Variants in MYH15 observed in about 807,000 individuals in gnomAD.
MYH15 encodes the protein myosin heavy chain 15.
A neutral mutation model predicts 240.5 loss-of-function variants in MYH15; 227 were observed. The ratio of observed to expected loss-of-function variants is 0.94; its 90% CI spans 0.85 to 1.05. The LOEUF (loss-of-function observed/expected upper bound fraction) is 1.05. Ranked by LOEUF, MYH15 falls within the 50% of genes least tolerant of loss-of-function variation. The pLI is 0.00. For synonymous variants in MYH15, 785 were observed against 796.7 expected (o/e 0.99, Z 0.25); for missense variants, 2,217 against 2,247.5 (o/e 0.99, Z 0.27).
chr3:108,498,329 G>A (rs544085982), intron 5 of MYH15, among the ~76,000 whole-genome samples, 184 bp from the exon 6 acceptor site: 1 of 152,200 alleles, frequency 6.6e-6, no homozygotes, highest in Non-Finnish European at 1.5e-5. Flanking sequence ...GACATTTCAG[G>A]CTGGAAAAAC....
chr3:108,486,167 G>A (rs561148275), intron 10 of MYH15, among the ~76,000 whole-genome samples: 1 of 152,266 alleles, frequency 6.6e-6, no homozygotes, highest in South Asian at 2.1e-4. Flanking sequence ...AATAAAAACT[G>A]TAAAGATATA....
chr3:108,534,014 C>T (rs1428110304), upstream of MYH15, among the ~76,000 whole-genome samples: 1 of 152,138 alleles, frequency 6.6e-6, no homozygotes, highest in Non-Finnish European at 1.5e-5. Context: ...ACTCTTAAAA[C>T]GATTGACTTA....
At chr3:108,474,982 A>T (rs935955133) in intron 12 of MYH15, among the ~76,000 whole-genome samples, 4 of 152,218 alleles carry the variant, frequency 2.6e-5, no homozygotes, top group African/African-American at 9.6e-5. Flanking sequence ...TCAATATAGT[A>T]TAGTTAGTAT....
intron 36 of MYH15, among the ~76,000 whole-genome samples, chr3:108,392,223 C>T (rs1343845844): frequency 1.3e-5 from 2 of 152,098 alleles, no homozygotes; most frequent in Admixed American, 6.6e-5. Flanking sequence ...TAAAGATGAC[C>T]AACTGAAGCA....
chr3:108,519,643 C>T (rs1192412045), intron 1 of MYH15, among the ~76,000 whole-genome samples: 1 of 152,116 alleles, frequency 6.6e-6, no homozygotes, highest in Non-Finnish European at 1.5e-5. Flanking sequence ...AATATACCCT[C>T]CTATAAAATA....
intron 33 of MYH15, among the ~76,000 whole-genome samples, chr3:108,401,996 AGAT>A (rs2082509233): frequency 1.3e-5 from 2 of 152,258 alleles, no homozygotes; most frequent in African/African-American, 4.8e-5. Flanking sequence ...AGAAAAATCA[AGAT>A]GATAGAACTT....
intron 30 of MYH15, among the ~76,000 whole-genome samples, chr3:108,412,580 G>A (rs2082602767): frequency 6.6e-6 from 1 of 152,126 alleles, no homozygotes; most frequent in African/African-American, 2.4e-5. Flanking sequence ...GGTTACCCTT[G>A]TTTTACCAAT....
chr3:108,415,787 C>A (rs2107551307), intron 29 of MYH15, among the ~76,000 whole-genome samples: 1 of 152,142 alleles, frequency 6.6e-6, no homozygotes, highest in Non-Finnish European at 1.5e-5. Flanking sequence ...GAAGCCAGGG[C>A]AGCTGGAGGG....
intron 1 of MYH15, among the ~76,000 whole-genome samples, chr3:108,517,810 T>C (rs1314732555): frequency 1.3e-5 from 2 of 152,146 alleles, no homozygotes; most frequent in African/African-American, 4.8e-5. Flanking sequence ...TTAAAGTATG[T>C]CCTCTTAGGA....
chr3:108,423,676 T>G (rs2082702629), intron 27 of MYH15, among the ~76,000 whole-genome samples: 1 of 152,228 alleles, frequency 6.6e-6, no homozygotes, highest in Non-Finnish European at 1.5e-5. Flanking sequence ...AAGTTCAGAT[T>G]GCCTCTTTCT....
chr3:108,454,493 A>G (rs1374168137), intron 20 of MYH15, among the ~76,000 whole-genome samples: 2 of 152,152 alleles, frequency 1.3e-5, no homozygotes, highest in African/African-American at 4.8e-5. Flanking sequence ...TTCTGCAAAC[A>G]TTTTCTGTGA....
intron 1 of MYH15, among the ~76,000 whole-genome samples, chr3:108,515,907 G>A (rs770193206): frequency 8.5e-5 from 13 of 152,184 alleles, no homozygotes; most frequent in Non-Finnish European, 1.9e-4. Context: ...GTGAGACAAG[G>A]GAATTGTCTA....
upstream of MYH15, among the ~76,000 whole-genome samples, chr3:108,511,102 A>C (rs990768811): frequency 6.6e-6 from 1 of 152,116 alleles, no homozygotes; most frequent in African/African-American, 2.4e-5. Context: ...AGTTGCGGAC[A>C]CTAGGCCTTT....
intron 21 of MYH15, among the ~76,000 whole-genome samples, 189 bp downstream of exon 21, chr3:108,453,817 T>G (rs911732898): frequency 5.9e-5 from 9 of 152,190 alleles, no homozygotes; most frequent in Admixed American, 5.9e-4. Context: ...TATGCTTATA[T>G]TTGGTTGAAT....
Position 108,398,720 on chromosome 3 carries a change from G to A in MYH15, c.5050C>T (p.Gln1684Ter), listed in dbSNP as rs2082481404. 1.9e-6 allele frequency: 3 copies of A among 1,614,182 alleles called. No homozygotes were observed. The highest frequency in any genetic ancestry group is 4.5e-5 in the East Asian group (2 of 44,880). Residue 1684 changes from glutamine (Q) to a stop codon, truncating the protein, a stop_gained, in exon 35 of 41, where the codon CAA (glutamine) becomes TAA (stop). Coordinates refer to ENST00000693548, the MANE Select transcript of MYH15 (RefSeq NM_014981.3). LOFTEE classifies it high-confidence loss of function. ...QSELEDLRSL[Q>*]EQTERGRRLS... ...CTGCGGCCACGCTCTGTCTGCTCTT[G>A]CAGGGACCTTAGATCCTCTAGTTCA...
chr3:108,503,000 A>T (rs114030622), intron 2 of MYH15, among the ~76,000 whole-genome samples: 251 of 152,124 alleles, frequency 1.6e-3, no homozygotes, highest in African/African-American at 5.9e-3. Flanking sequence ...GTAGTACTTT[A>T]CACCCACTAG....
At chr3:108,478,044 G>C (rs1276893106) in intron 11 of MYH15, among the ~76,000 whole-genome samples, 2 of 151,902 alleles carry the variant, frequency 1.3e-5, no homozygotes, top group Admixed American at 1.3e-4. Context: ...TCATTCTGTT[G>C]AATAATGTCT....
chr3:108,500,371 C>T (rs1030546100), intron 3 of MYH15, 97 bp from the exon 4 acceptor site: 1 of 1,315,480 alleles, frequency 7.6e-7, no homozygotes, highest in Non-Finnish European at 1.0e-6. Flanking sequence ...TCAAATATTA[C>T]TTATAAAGGA....
chr3:108,438,284 A>T (rs1336442556), intron 24 of MYH15, among the ~76,000 whole-genome samples: 1 of 152,176 alleles, frequency 6.6e-6, no homozygotes, highest in Admixed American at 6.5e-5. Flanking sequence ...ATTATGTCAT[A>T]TTCTGGTTCC....
Sources: gnomAD v4.1 joint callset for allele counts (sites outside exome capture counted in the v4.1 genomes callset) on GRCh38, gnomAD v4.1.1 for gene constraint, MANE v1.5 for transcripts, NCBI Gene and HGNC (gene_info 2026-07-23, HGNC 2026-07-21) for gene names.